Variants in MBNL1 observed in about 807,000 individuals in gnomAD.
MBNL1 encodes the protein muscleblind-like protein 1.
MBNL1 carries 8 observed loss-of-function variants against 42.2 expected under a neutral mutation model. The ratio of observed to expected loss-of-function variants is 0.19; its 90% CI spans 0.11 to 0.34. The LOEUF (loss-of-function observed/expected upper bound fraction) is 0.34, where lower values mean the gene tolerates loss of function less well. MBNL1 is among the 10% of genes least tolerant of loss of function. MBNL1 has a pLI of 1.00. For missense variants in MBNL1, 309 were observed against 495.3 expected, an observed-to-expected ratio of 0.62 and a Z score of 3.57; for synonymous variants, 169 against 173.9, an observed-to-expected ratio of 0.97 and a Z score of 0.22.
intron 2 of MBNL1, among the ~76,000 whole-genome samples, chr3:152,371,635 C>A (rs975309944): frequency 6.6e-6 from 1 of 152,188 alleles, no homozygotes; most frequent in Non-Finnish European, 1.5e-5. Context: ...CCCGCACTCT[C>A]TTCTGGCTTG....
intron 1 of MBNL1, chr3:152,269,445 C>T (rs1559955036): frequency 4.5e-6 from 2 of 442,674 alleles, no homozygotes; most frequent in Admixed American, 5.0e-5. Context: ...TGACCTTTGT[C>T]GGGGGAAGGT....
rs1279566797 is a variant in MBNL1 at position 152,430,943 on chromosome 3, C to T, written c.346-1774C>T. Among the ~76,000 whole-genome samples the T allele has an allele frequency of 3.3e-5, 5 of 152,190 alleles. No individual in the cohort carries two copies. The East Asian group carries it at 9.6e-4, about 29-fold the overall frequency. ...GCATTCAAACCAACATGTTCAGAGG[C>T]ATAATTATTTTAAGTTGAAATGGTA... On this transcript the variant is annotated intron_variant, in intron 3 of 9. Coordinates refer to ENST00000324210, the MANE Select transcript of MBNL1 (RefSeq NM_021038.5).
intron 2 of MBNL1, among the ~76,000 whole-genome samples, chr3:152,363,766 G>A (rs2096167254): frequency 6.6e-6 from 1 of 152,050 alleles, no homozygotes; most frequent in African/African-American, 2.4e-5. Flanking sequence ...CACACAGTCT[G>A]TTCCTATTGC....
intron 2 of MBNL1, among the ~76,000 whole-genome samples, chr3:152,399,687 G>A (rs998912954): frequency 1.5e-4 from 23 of 151,752 alleles, no homozygotes; most frequent in African/African-American, 5.3e-4. Context: ...TATTTTTGTA[G>A]ACACAGGGTC....
intron 4 of MBNL1, among the ~76,000 whole-genome samples, chr3:152,437,463 C>G (rs140821282): frequency 6.6e-6 from 1 of 152,080 alleles, no homozygotes; most frequent in Non-Finnish European, 1.5e-5. Flanking sequence ...CAGCTTGGAT[C>G]GAGATGCTCT....
chr3:152,324,808 A>C (rs914262838), intron 2 of MBNL1, among the ~76,000 whole-genome samples: 2 of 152,118 alleles, frequency 1.3e-5, no homozygotes, highest in Non-Finnish European at 2.9e-5. Flanking sequence ...GGGGATGATA[A>C]TAATAGCACG....
At chr3:152,271,705 C>T (rs145663616) in intron 1 of MBNL1, among the ~76,000 whole-genome samples, 2 of 152,090 alleles carry the variant, frequency 1.3e-5, no homozygotes, top group East Asian at 1.9e-4. Context: ...AAGTGATTGG[C>T]CCAAAATAAA....
At chr3:152,312,212 A>C in intron 2 of MBNL1, among the ~76,000 whole-genome samples, 2 of 151,552 alleles carry the variant, frequency 1.3e-5, no homozygotes, top group Middle Eastern at 3.4e-3. Context: ...AAAAAAAAAA[A>C]GAGATGTATC....
At chr3:152,307,097 C>A (rs2063563941) in intron 2 of MBNL1, among the ~76,000 whole-genome samples, 1 of 152,078 alleles carries the variant, frequency 6.6e-6, no homozygotes, top group Non-Finnish European at 1.5e-5. Flanking sequence ...TCAAGCAATT[C>A]TCCTGCCTCA....
chr3:152,427,138 A>G (rs1396578903), intron 3 of MBNL1, among the ~76,000 whole-genome samples: 1 of 152,030 alleles, frequency 6.6e-6, no homozygotes, highest in Non-Finnish European at 1.5e-5. Context: ...GCCTTTTTCC[A>G]TTAAGGAGCC....
At chr3:152,390,961 ATAAACT>A (rs752131431) in intron 2 of MBNL1, among the ~76,000 whole-genome samples, 2 of 152,218 alleles carry the variant, frequency 1.3e-5, no homozygotes, top group African/African-American at 2.4e-5. Context: ...ACAAATCTAG[ATAAACT>A]TAAAATAAGA....
In MBNL1 at chr3:152,463,085, A is replaced by G. The variant is rs1250004984; in HGVS notation, c.*719A>G. ...TTATTTCTTCAGTGTTATTGTTTTCAGAGCCACATTTTGTTGCATATTTGC... is the reference window on the plus strand; with the variant it reads ...TTATTTCTTCAGTGTTATTGTTTTCGGAGCCACATTTTGTTGCATATTTGC... On this transcript the variant is annotated 3_prime_UTR_variant, in exon 10 of 10. Coordinates refer to ENST00000324210, the MANE Select transcript of MBNL1 (RefSeq NM_021038.5). 2 of 151,808 alleles carry G rather than the reference A, an allele frequency of 1.3e-5. No homozygotes were observed. Among genetic ancestry groups the G allele is most frequent in the African/African-American group, 2.4e-5 (1 of 41,272 alleles). 9.4% of individuals were successfully genotyped at this position (151,808 alleles called of 1,614,324 possible).
chr3:152,246,863 TCTC>T (rs1182698821), intron 2 of MBNL1, among the ~76,000 whole-genome samples: 1 of 152,034 alleles, frequency 6.6e-6, no homozygotes, highest in Non-Finnish European at 1.5e-5. Context: ...AAATGGATGT[TCTC>T]CTCCTCCTTC....
At chr3:152,446,038 G>T (rs1434477773) in intron 5 of MBNL1, among the ~76,000 whole-genome samples, 2 of 152,132 alleles carry the variant, frequency 1.3e-5, no homozygotes, top group African/African-American at 4.8e-5. Context: ...ATACTATCTA[G>T]ATTGTCTGAA....
chr3:152,382,874 G>A (rs888059814), intron 2 of MBNL1, among the ~76,000 whole-genome samples: 4 of 151,900 alleles, frequency 2.6e-5, no homozygotes, highest in Non-Finnish European at 5.9e-5. Flanking sequence ...ACTTTATCTT[G>A]TATATCACTC....
chr3:152,448,332 GTTTAA>G (rs1272081842), intron 6 of MBNL1, among the ~76,000 whole-genome samples: 2 of 152,174 alleles, frequency 1.3e-5, no homozygotes, highest in African/African-American at 4.8e-5. Context: ...GCTCAGCAAT[GTTTAA>G]TTTATTATGG....
chr3:152,430,218 T>G (rs953772572), intron 3 of MBNL1, among the ~76,000 whole-genome samples: 5 of 152,216 alleles, frequency 3.3e-5, no homozygotes, highest in Admixed American at 3.3e-4. Context: ...AGAGCTGAGT[T>G]TTATTAGCCT....
At position 152,268,945 on chromosome 3, in the gene MBNL1, C is replaced by T; in HGVS notation, c.-937C>T. The T allele has an allele frequency of 2.2e-6, 1 of 456,264 alleles. No homozygotes were observed. The highest frequency in any genetic ancestry group is 4.4e-6 in the Non-Finnish European group (1 of 226,942). The allele number at this position is 456,264 out of a possible 1,614,324, so 28.3% of individuals were successfully genotyped here. Reference sequence around the variant, plus strand: ...ACATGCAACAGTCTTTTCACTGCAGCTGAATGAGTTGTGGCGCCCACAATG... The same window carrying T: ...ACATGCAACAGTCTTTTCACTGCAGTTGAATGAGTTGTGGCGCCCACAATG... On this transcript the variant is annotated 5_prime_UTR_variant, in exon 1 of 10. Coordinates refer to ENST00000324210, the MANE Select transcript of MBNL1 (RefSeq NM_021038.5).
At chr3:152,353,020 T>G (rs188257651) in intron 2 of MBNL1, among the ~76,000 whole-genome samples, 1 of 152,244 alleles carries the variant, frequency 6.6e-6, no homozygotes, top group Non-Finnish European at 1.5e-5. Flanking sequence ...ACAACACTTG[T>G]AGTAAACTCT....
Sources: gnomAD v4.1 joint callset for allele counts (sites outside exome capture counted in the v4.1 genomes callset) on GRCh38, gnomAD v4.1.1 for gene constraint, MANE v1.5 for transcripts, NCBI Gene and HGNC (gene_info 2026-07-23, HGNC 2026-07-21) for gene names.